ADAMTS4: variants seen among roughly 807,000 people sequenced by gnomAD.
ADAMTS4 encodes the protein A disintegrin and metalloproteinase with thrombospondin motifs 4.
ADAMTS4 carries 38 observed loss-of-function variants against 66.7 expected under a neutral mutation model. The ratio of observed to expected loss-of-function variants is 0.57; its 90% CI spans 0.44 to 0.75. The LOEUF is 0.75. Among genes scored for constraint, ADAMTS4 ranks in the 30% least tolerant of loss-of-function variants. The probability of loss-of-function intolerance (pLI) is 0.00; values close to 1 mark genes in which losing one functional copy is unlikely to be tolerated. For missense variants in ADAMTS4, 1,014 were observed against 1,116.7 expected (o/e 0.91, Z 1.31); for synonymous variants, 418 against 461.5 (o/e 0.91, Z 1.21).
At chr1:161,192,396 G>A (rs756327785) in intron 7 of ADAMTS4, among the ~76,000 whole-genome samples, 156 bp from the exon 8 acceptor site, 1 of 152,054 alleles carries the variant, frequency 6.6e-6, no homozygotes, top group Non-Finnish European at 1.5e-5. Context: ...CACCATGTGG[G>A]TGATAATCAT....
At chr1:161,196,057 T>C (rs1664819662) in intron 3 of ADAMTS4, 114 bp downstream of exon 3, 2 of 1,318,836 alleles carry the variant, frequency 1.5e-6, no homozygotes, top group Non-Finnish European at 2.1e-6. Flanking sequence ...AATAGCCCTA[T>C]ACCTAGGCCT....
chr1:161,198,337 C>A lies in ADAMTS4; in HGVS notation c.291G>T (p.Glu97Asp). 1 of 1,613,384 alleles carries A rather than the reference C, an allele frequency of 6.2e-7. No homozygotes were observed. The highest frequency in any genetic ancestry group is 8.5e-7 in the Non-Finnish European group (1 of 1,180,002). The change falls in exon 1 of 9, where the codon GAG becomes GAT. Residue 97 changes from glutamate to aspartate, a missense_variant. Glu to Asp is a conservative substitution (Grantham distance 45). Transcript: ENST00000367996. This position sits in a 1 kb window ranked among gnomAD's most constrained non-coding sequence, Gnocchi z 4.7. The part of the protein sequence containing the change: ...AFGETLLLEL[E>D]QDSGVQVEGL... ...CCTCGACCTGCACACCGGAGTCCTG[C>A]TCCAGCTCTAGTAGCAGCGTCTCCC... is the stretch of plus-strand genomic sequence containing the variant.
At position 161,193,240 on chromosome 1, in the gene ADAMTS4, C is replaced by T; in HGVS notation, c.1884G>A (p.Leu628=). ...GTGGCTCCAGCACATAGTAGTAGCC[C>T]AGTGCCTGGGCCTGGCAGGTGAGTT... ...QCKLTCQAQA[L]GYYYVLEPRV... Residue 628 remains leucine (L), a synonymous_variant, in exon 7 of 9, where the codon CTG becomes CTA. Transcript: ENST00000367996. This position sits in a 1 kb window ranked among gnomAD's most constrained non-coding sequence, Gnocchi z 4.4. 2 of 1,613,808 alleles carry T rather than the reference C, an allele frequency of 1.2e-6. No homozygotes were observed. Among genetic ancestry groups the T allele is most frequent in the South Asian group, 1.1e-5 (1 of 91,052 alleles).
In ADAMTS4 at chr1:161,184,854, T is replaced by C. The variant is rs1290009944; in HGVS notation, c.*6284A>G. On this transcript the variant is annotated 3_prime_UTR_variant, in exon 9 of 9. Transcript: ENST00000367996. ...GGCAACATGGAAAACCCCGTCTCTA[T>C]ACTAAAAATACAAAAAATTAGCTGG... The C allele has an allele frequency of 1.3e-5, 2 of 151,652 alleles. No individual in the cohort carries two copies. The highest frequency in any genetic ancestry group is 2.9e-5 in the Non-Finnish European group (2 of 67,924). 9.4% of individuals were successfully genotyped at this position (151,652 alleles called of 1,614,324 possible).
intron 8 of ADAMTS4, 145 bp downstream of exon 8, chr1:161,191,920 G>A (rs1664692949): frequency 2.0e-5 from 21 of 1,036,212 alleles, no homozygotes; most frequent in Non-Finnish European, 3.0e-5. Flanking sequence ...ATGAATACAT[G>A]GGAAACCGCA....
chr1:161,189,036 C>A lies in ADAMTS4; in HGVS notation c.*2102G>T, dbSNP rs1664601788. 1 of 151,412 alleles carries A rather than the reference C, an allele frequency of 6.6e-6. No homozygotes were observed. Among genetic ancestry groups the A allele is most frequent in the African/African-American group, 2.4e-5 (1 of 41,166 alleles). 9.4% of individuals were successfully genotyped at this position (151,412 alleles called of 1,614,324 possible). ...GGGATTACAGGCATGAGCCACCGTG[C>A]CCGATTGTTTTTGTTTTATGAAATT... is the stretch of plus-strand genomic sequence containing the variant. On this transcript the variant is annotated 3_prime_UTR_variant, in exon 9 of 9. Coordinates refer to ENST00000367996, the MANE Select transcript of ADAMTS4 (RefSeq NM_005099.6).
rs545646079 is a variant in ADAMTS4 at position 161,194,032 on chromosome 1, G to T, written c.1451C>A (p.Thr484Asn). 6.2e-7 allele frequency: 1 copy of T among 1,614,134 alleles called. No homozygotes were observed. Among genetic ancestry groups the T allele is most frequent in the South Asian group, 1.1e-5 (1 of 91,072 alleles). ...GHLNGHAMCQ[T>N]KHSPWADGTP... ...GCCATCGGCCCAGGGCGAGTGTTTG[G>T]TCTGGCACATGGCATGGCCATTGAG... The change falls in exon 5 of 9, where the codon ACC (threonine) becomes AAC (asparagine). Residue 484 changes from threonine (T) to asparagine (N), a missense_variant. Coordinates refer to ENST00000367996, the MANE Select transcript of ADAMTS4 (RefSeq NM_005099.6). This position sits in a 1 kb window ranked among gnomAD's most constrained non-coding sequence, Gnocchi z 4.1.
Position 161,196,295 on chromosome 1 carries a change from A to G in ADAMTS4, c.966T>C (p.Cys322=). The change falls in exon 3 of 9, where the codon TGT becomes TGC. Residue 322 remains cysteine (C), a synonymous_variant. Transcript: ENST00000367996. The part of the protein sequence containing the change: ...TAILFTRQDL[C]GVSTCDTLGM... ...CCAGCGTGTCGCAAGTGGAGACTCC[A>G]CACAGGTCCTGTGGAGAGGGATCAT... 1 of 1,611,316 alleles carries G rather than the reference A, an allele frequency of 6.2e-7. No homozygotes were observed. The highest frequency in any genetic ancestry group is 1.7e-5 in the Admixed American group (1 of 59,472).
rs1316829559 is a variant in ADAMTS4 at position 161,198,115 on chromosome 1, G to A, written c.513C>T (p.Asn171=). The change falls in exon 1 of 9, where the codon AAC becomes AAT. Residue 171 remains asparagine, a synonymous_variant. Transcript: ENST00000367996. This position sits in a 1 kb window ranked among gnomAD's most constrained non-coding sequence, Gnocchi z 4.7. The part of the protein sequence containing the change: ...HLQPLEGGTP[N]SAGGPGAHIL... ...TGTGAGCCCCAGGTCCCCCAGCAGA[G>A]TTAGGGGTGCCTCCCTCCAGGGGCT... is the stretch of plus-strand genomic sequence containing the variant. The A allele has an allele frequency of 6.2e-7, 1 of 1,613,882 alleles. No individual in the cohort carries two copies. The highest frequency in any genetic ancestry group is 8.5e-7 in the Non-Finnish European group (1 of 1,179,978).
In ADAMTS4 at chr1:161,192,179, A is replaced by G. The variant is rs1664699374; in HGVS notation, c.1973T>C (p.Ile658Thr). 2 of 1,614,150 alleles carry G rather than the reference A, an allele frequency of 1.2e-6. No homozygotes were observed. Among genetic ancestry groups the G allele is most frequent in the Non-Finnish European group, 1.7e-6 (2 of 1,180,026 alleles). ...AATGATGCGATCACAGCCAGCATGG[A>G]TGCATCGGCCCTGGACACAGACCGA... The part of the protein sequence containing the change: ...SSSVCVQGRC[I>T]HAGCDRIIGS... Residue 658 changes from isoleucine to threonine, a missense_variant, in exon 8 of 9, where the codon ATC becomes ACC. Coordinates refer to ENST00000367996, the MANE Select transcript of ADAMTS4 (RefSeq NM_005099.6).
chr1:161,191,782 C>T lies in ADAMTS4; in HGVS notation c.2088-218G>A, dbSNP rs1442497639. Reference sequence around the variant, plus strand: ...ACTGCCCCCTTATTGAGTTGCCCTTCCAAGCCCCACTTCCTTGGTACCTGT... The same window carrying T: ...ACTGCCCCCTTATTGAGTTGCCCTTTCAAGCCCCACTTCCTTGGTACCTGT... On this transcript the variant is annotated intron_variant, in intron 8 of 8. Coordinates refer to ENST00000367996, the MANE Select transcript of ADAMTS4 (RefSeq NM_005099.6). 1.4e-4 allele frequency among the ~76,000 whole-genome samples: 21 copies of T among 152,184 alleles called. 1 individual carries two copies. The highest frequency in any genetic ancestry group is 1.5e-5 in the Non-Finnish European group (1 of 68,022).
In ADAMTS4 at chr1:161,190,845, G is replaced by C. The variant is rs1558072653; in HGVS notation, c.*293C>G. On this transcript the variant is annotated 3_prime_UTR_variant, in exon 9 of 9. Coordinates refer to ENST00000367996, the MANE Select transcript of ADAMTS4 (RefSeq NM_005099.6). ...AATAAATACTAAATAAATACAACTGGGGCCCAGGCCCTCCCTGCCTTCCCC... is the reference window on the plus strand; with the variant it reads ...AATAAATACTAAATAAATACAACTGCGGCCCAGGCCCTCCCTGCCTTCCCC... 1.2e-5 allele frequency: 4 copies of C among 344,218 alleles called. No individual in the cohort carries two copies. The highest frequency in any genetic ancestry group is 5.3e-6 in the Non-Finnish European group (1 of 187,336). 21.3% of individuals were successfully genotyped at this position (344,218 alleles called of 1,614,324 possible).
Position 161,186,674 on chromosome 1 carries a change from C to T in ADAMTS4, c.*4464G>A, listed in dbSNP as rs1266322381. 1 of 152,038 alleles carries T rather than the reference C, an allele frequency of 6.6e-6. No homozygotes were observed. The highest frequency in any genetic ancestry group is 1.5e-5 in the Non-Finnish European group (1 of 68,060). 9.4% of individuals were successfully genotyped at this position (152,038 alleles called of 1,614,324 possible). A position where few individuals can be genotyped will look rare whatever the true frequency, so the allele number is the denominator to read the frequency against. The stretch of plus-strand genomic sequence containing the variant: ...GTAGTAAGTTATGATGGTGCCACTG[C>T]ACTCCAACCTGAGCCACAGAGCGAG... On this transcript the variant is annotated 3_prime_UTR_variant, in exon 9 of 9. Transcript: ENST00000367996.
At chr1:161,196,936 G>T in intron 1 of ADAMTS4, 56 bp from the exon 2 acceptor site, 1 of 1,463,344 alleles carries the variant, frequency 6.8e-7, no homozygotes. Flanking sequence ...CCCATGGGTC[G>T]GTCGATTCTC....
In ADAMTS4 at chr1:161,188,947, G is replaced by A. The variant is rs994096165; in HGVS notation, c.*2191C>T. ...GTAGACACGGGGTTTCACTGTGGTA[G>A]CCAGGATGGTCGGTCTCAATCTCCT... On this transcript the variant is annotated 3_prime_UTR_variant, in exon 9 of 9. Coordinates refer to ENST00000367996, the MANE Select transcript of ADAMTS4 (RefSeq NM_005099.6). 1.5e-5 allele frequency: 2 copies of A among 136,730 alleles called. No individual in the cohort carries two copies. The highest frequency in any genetic ancestry group is 4.7e-4 in the South Asian group (2 of 4,228). The allele number at this position is 136,730 out of a possible 1,614,324, so 8.5% of individuals were successfully genotyped here.
chr1:161,187,487 G>A lies in ADAMTS4; in HGVS notation c.*3651C>T, dbSNP rs1470884901. On this transcript the variant is annotated 3_prime_UTR_variant, in exon 9 of 9. Coordinates refer to ENST00000367996, the MANE Select transcript of ADAMTS4 (RefSeq NM_005099.6). ...AGCAGGGAGAACCGTGTTTACTGGA[G>A]AGAAGAGAGTGTGGGCAGTCTTTTC... 1 of 152,378 alleles carries A rather than the reference G, an allele frequency of 6.6e-6. No homozygotes were observed. Among genetic ancestry groups the A allele is most frequent in the Non-Finnish European group, 1.5e-5 (1 of 68,170 alleles). 9.4% of individuals were successfully genotyped at this position (152,378 alleles called of 1,614,324 possible). A position where few individuals can be genotyped will look rare whatever the true frequency, so the allele number is the denominator to read the frequency against.
rs1664666710 is a variant in ADAMTS4, at chr1:161,191,176, C to T, written c.2476G>A (p.Glu826Lys). The T allele has an allele frequency of 6.3e-7, 1 of 1,582,810 alleles. No homozygotes were observed. The highest frequency in any genetic ancestry group is 1.7e-5 in the Admixed American group (1 of 58,076). Residue 826 changes from glutamate to lysine, a missense_variant, in exon 9 of 9, where the codon GAG (glutamate) becomes AAG (lysine). Coordinates refer to ENST00000367996, the MANE Select transcript of ADAMTS4 (RefSeq NM_005099.6). ...GCCCAGGGGCGCCGCCGAAGGATCT[C>T]CAGAATCTGTGCTCTTCGGTGCAGC... The part of the protein sequence containing the change: ...DWLHRRAQIL[E>K]ILRRRPWAGR...
rs1454763722 is a variant in ADAMTS4 at position 161,185,165 on chromosome 1, G to A, written c.*5973C>T. On this transcript the variant is annotated 3_prime_UTR_variant, in exon 9 of 9. Transcript: ENST00000367996. ...CATATGTAACTAACCTGCACATTGT[G>A]CACATGTACCCTAAAACTTAAAGTA... 1 of 151,894 alleles carries A rather than the reference G, an allele frequency of 6.6e-6. No individual in the cohort carries two copies. The highest frequency in any genetic ancestry group is 1.5e-5 in the Non-Finnish European group (1 of 67,970). 9.4% of individuals were successfully genotyped at this position (151,894 alleles called of 1,614,324 possible).
At position 161,191,043 on chromosome 1, in the gene ADAMTS4, C is replaced by T. The variant is rs41270037; in HGVS notation, c.*95G>A. 9.5e-3 allele frequency: 13,355 copies of T among 1,401,166 alleles called. 97 individuals carry two copies. Among genetic ancestry groups the T allele is most frequent in the Non-Finnish European group, 0.012 (12,234 of 1,048,924 alleles). The allele number at this position is 1,401,166 out of a possible 1,614,324, so 86.8% of individuals were successfully genotyped here. ...GTCTCACGCCCACAGCCCCTCCCCA[C>T]TGAGTCTTAGCATGAGGCAGCAACA... On this transcript the variant is annotated 3_prime_UTR_variant, in exon 9 of 9. Coordinates refer to ENST00000367996, the MANE Select transcript of ADAMTS4 (RefSeq NM_005099.6).
Sources: gnomAD v4.1 joint callset for allele counts (sites outside exome capture counted in the v4.1 genomes callset) on GRCh38, gnomAD v4.1.1 for gene constraint, Gnocchi (gnomAD v3.1) non-coding constraint, MANE v1.5 for transcripts, NCBI Gene and HGNC (gene_info 2026-07-23, HGNC 2026-07-21) for gene names.